The following IGF1R variants were observed in gnomAD, a reference collection of about 807,000 sequenced individuals.
The protein encoded by IGF1R is insulin-like growth factor 1 receptor.
A neutral mutation model predicts 144.6 loss-of-function variants in IGF1R; 44 were observed. The observed-to-expected ratio is 0.30, with a 90% CI of 0.24 to 0.39. IGF1R has a LOEUF of 0.39. IGF1R is among the 10% of genes least tolerant of loss of function. IGF1R has a pLI of 1.00. For synonymous variants in IGF1R, 795 were observed against 722.8 expected (o/e 1.10, Z -1.60); for missense variants, 1,355 against 1,833.7 (o/e 0.74, Z 4.77).
chr15:98,727,702 C>T (rs1233171188), intron 2 of IGF1R, among the ~76,000 whole-genome samples: 2 of 152,176 alleles, frequency 1.3e-5, no homozygotes, highest in Non-Finnish European at 2.9e-5. Flanking sequence ...TTCTGCTGGT[C>T]GGGGCAGTCA....
intron 2 of IGF1R, among the ~76,000 whole-genome samples, chr15:98,852,355 G>T (rs2011566006): frequency 6.6e-6 from 1 of 152,140 alleles, no homozygotes; most frequent in African/African-American, 2.4e-5. Flanking sequence ...CCGCGCCCGC[G>T]CCGCCGCCGT....
chr15:98,755,673 C>T (rs1411494564), intron 2 of IGF1R, among the ~76,000 whole-genome samples: 1 of 130,050 alleles, frequency 7.7e-6, no homozygotes, highest in Non-Finnish European at 1.5e-5. Flanking sequence ...GAGCCTACAT[C>T]GTGCCACTGC....
At chr15:98,938,500 C>T (rs1422521987) in intron 17 of IGF1R, among the ~76,000 whole-genome samples, 1 of 152,188 alleles carries the variant, frequency 6.6e-6, no homozygotes, top group Non-Finnish European at 1.5e-5. Flanking sequence ...AAAGCCAGCA[C>T]GTTGCTGTCC....
At chr15:98,897,728 A>G (rs1480666430) in intron 4 of IGF1R, among the ~76,000 whole-genome samples, 2 of 152,176 alleles carry the variant, frequency 1.3e-5, no homozygotes, top group Admixed American at 6.5e-5. Context: ...GGCACACACT[A>G]CCATGTCTGG....
At chr15:98,774,764 G>A (rs963539131) in intron 2 of IGF1R, among the ~76,000 whole-genome samples, 3 of 152,146 alleles carry the variant, frequency 2.0e-5, no homozygotes, top group African/African-American at 7.2e-5. Flanking sequence ...AGTTCTGGAG[G>A]TGGCTGGCGG....
chr15:98,683,903 T>C (rs967170179), intron 1 of IGF1R, among the ~76,000 whole-genome samples: 2 of 152,186 alleles, frequency 1.3e-5, no homozygotes, highest in Non-Finnish European at 2.9e-5. Flanking sequence ...GTTCACAGTA[T>C]TTGAGACGTA....
intron 6 of IGF1R, among the ~76,000 whole-genome samples, chr15:98,910,661 C>T (rs557712266): frequency 2.8e-4 from 43 of 152,326 alleles, no homozygotes; most frequent in South Asian, 1.4e-3. Flanking sequence ...CTGCCATACC[C>T]GCCAGCCAGG....
At chr15:98,708,775 A>G (rs2053925877) in intron 2 of IGF1R, among the ~76,000 whole-genome samples, 2 of 151,840 alleles carry the variant, frequency 1.3e-5, no homozygotes. Flanking sequence ...GCATTTTTAA[A>G]CCTCTGGGAT....
At chr15:98,788,058 C>CTGTGTGTGTGTGTG (rs1462764560) in intron 2 of IGF1R, among the ~76,000 whole-genome samples, 8 of 128,008 alleles carry the variant, frequency 6.2e-5, no homozygotes, top group African/African-American at 1.8e-4. Flanking sequence ...CTCTCTCTCT[C>CTGTGTGTGTGTGTG]TCTCTGTGTG....
chr15:98,658,284 G>A (rs988408448), intron 1 of IGF1R, among the ~76,000 whole-genome samples: 1 of 152,198 alleles, frequency 6.6e-6, no homozygotes, highest in African/African-American at 2.4e-5. Flanking sequence ...CTGAATAGCA[G>A]AAAGTGCCGC....
rs549682572 is a variant in IGF1R at position 98,652,512 on chromosome 15, G to A, written c.94+2837G>A. On this transcript the variant is annotated intron_variant, in intron 1 of 20. Transcript: ENST00000650285. ...GCAAGCAAATGGTGTTTTGTGGAAG[G>A]GTGGGGTTTGTGTCAGGATTTGAAA... Among the ~76,000 whole-genome samples the A allele has an allele frequency of 2.0e-5, 3 of 152,298 alleles. No individual in the cohort carries two copies. In the South Asian group the frequency reaches 6.2e-4, roughly 32 times the overall value.
chr15:98,786,454 T>C (rs936052269), intron 2 of IGF1R, among the ~76,000 whole-genome samples: 5 of 152,134 alleles, frequency 3.3e-5, no homozygotes, highest in African/African-American at 7.2e-5. Context: ...AAAGAGGCCA[T>C]GTGCTGCAGC....
At chr15:98,693,694 C>G (rs945768603) in intron 1 of IGF1R, among the ~76,000 whole-genome samples, 1 of 152,202 alleles carries the variant, frequency 6.6e-6, no homozygotes. Context: ...CAACCTCTGC[C>G]TCCCGGGTTC....
rs187980012 is a variant in IGF1R, at chr15:98,908,819, G to A, written c.1382G>A (p.Arg461His). Residue 461 changes from arginine to histidine, a missense_variant, in exon 6 of 21, where the codon CGC becomes CAC. Around this residue, in one of 7 missense-constraint regions of IGF1R, gnomAD observed 880 missense variants for 1,202.7 expected, o/e 0.73. Coordinates refer to ENST00000650285, the MANE Select transcript of IGF1R (RefSeq NM_000875.5). ...AAATTATGTGTTTCCGAAATTTACC[G>A]CATGGAGGAAGTGACGGGGACTAAA... is the stretch of plus-strand genomic sequence containing the variant. ...NPKLCVSEIY[R>H]MEEVTGTKGR... 42 of 1,614,130 alleles carry A rather than the reference G, an allele frequency of 2.6e-5. 1 individual carries two copies. The highest frequency in any genetic ancestry group is 2.5e-5 in the Non-Finnish European group (29 of 1,179,994).
At chr15:98,848,984 A>G (rs2011445199) in intron 2 of IGF1R, among the ~76,000 whole-genome samples, 1 of 152,256 alleles carries the variant, frequency 6.6e-6, no homozygotes, top group South Asian at 2.1e-4. Flanking sequence ...CATTAGCAAG[A>G]TGGCAAGATG....
chr15:98,856,030 C>G (rs1226065637), intron 2 of IGF1R, among the ~76,000 whole-genome samples: 1 of 152,212 alleles, frequency 6.6e-6, no homozygotes, highest in African/African-American at 2.4e-5. Context: ...AGTGATTTCC[C>G]CACAGCCTCG....
chr15:98,752,114 A>T (rs2055026766), intron 2 of IGF1R, among the ~76,000 whole-genome samples: 1 of 152,152 alleles, frequency 6.6e-6, no homozygotes, highest in South Asian at 2.1e-4. Flanking sequence ...AACCTTTCAG[A>T]CAGTTGCTCA....
intron 2 of IGF1R, among the ~76,000 whole-genome samples, chr15:98,885,265 C>G (rs936188475): frequency 2.0e-5 from 3 of 152,204 alleles, no homozygotes; most frequent in African/African-American, 7.2e-5. Flanking sequence ...TCAAAAGAAG[C>G]CTTTCTCATT....
In IGF1R at chr15:98,707,041, C is replaced by T. The variant is rs1436066761; in HGVS notation, c.95-521C>T. 2.6e-5 allele frequency among the ~76,000 whole-genome samples: 4 copies of T among 152,162 alleles called. No homozygotes were observed. Among genetic ancestry groups the T allele is most frequent in the South Asian group, 4.1e-4 (2 of 4,828 alleles). ...TGGTAGTGGGAAGCATGGAAGCATGCGTTTTTTAGTCCCCACTTTACAAGT... is the reference window on the plus strand; with the variant it reads ...TGGTAGTGGGAAGCATGGAAGCATGTGTTTTTTAGTCCCCACTTTACAAGT... On this transcript the variant is annotated intron_variant, in intron 1 of 20. Transcript: ENST00000650285. The surrounding 1 kb of genome is among the most constrained non-coding windows in gnomAD (Gnocchi z 6.7).
Sources: gnomAD v4.1 joint callset for allele counts (sites outside exome capture counted in the v4.1 genomes callset) on GRCh38, gnomAD v4.1.1 for gene constraint, gnomAD v4.1.1 regional missense constraint, Gnocchi (gnomAD v3.1) non-coding constraint, MANE v1.5 for transcripts, NCBI Gene and HGNC (gene_info 2026-07-23, HGNC 2026-07-21) for gene names.